ZC2HC1B: variants seen among roughly 807,000 people sequenced by gnomAD.
ZC2HC1B encodes zinc finger C2HC domain-containing protein 1B.
A neutral mutation model predicts 31.0 loss-of-function variants in ZC2HC1B; 36 were observed. The observed-to-expected ratio is 1.16, with a 90% CI of 0.89 to 1.54. The LOEUF (loss-of-function observed/expected upper bound fraction) is 1.54. Among genes scored for constraint, ZC2HC1B ranks in the 40% most tolerant of loss-of-function variants. The pLI is 0.00. For missense variants in ZC2HC1B, 260 were observed against 268.6 expected (o/e 0.97, Z 0.22); for synonymous variants, 73 against 88.0 (o/e 0.83, Z 0.95).
intron 6 of ZC2HC1B, among the ~76,000 whole-genome samples, chr6:143,931,864 C>CTTT (rs34072590): frequency 2.7e-5 from 1 of 36,472 alleles, no homozygotes; most frequent in African/African-American, 7.7e-5. Flanking sequence ...TCTTCTTCTT[C>CTTT]TTTTTTTTTT....
At chr6:143,919,732 G>A (rs569529368) in intron 6 of ZC2HC1B, among the ~76,000 whole-genome samples, 3 of 152,322 alleles carry the variant, frequency 2.0e-5, no homozygotes, top group African/African-American at 7.2e-5. Flanking sequence ...GAGGGGTGGA[G>A]GATGTGTAGC....
chr6:143,907,582 T>A (rs1334606808), intron 6 of ZC2HC1B, among the ~76,000 whole-genome samples: 3 of 152,260 alleles, frequency 2.0e-5, no homozygotes, highest in Non-Finnish European at 2.9e-5. Flanking sequence ...TGTCTTCTTT[T>A]GAGAAGTGTC....
intron 6 of ZC2HC1B, among the ~76,000 whole-genome samples, chr6:143,904,201 T>C (rs1186606704): frequency 6.6e-6 from 1 of 152,234 alleles, no homozygotes; most frequent in Non-Finnish European, 1.5e-5. Context: ...GTTTTGGTTT[T>C]TGCTAACTTA....
intron 6 of ZC2HC1B, among the ~76,000 whole-genome samples, chr6:143,904,908 G>A (rs1777776913): frequency 6.6e-6 from 1 of 152,108 alleles, no homozygotes; most frequent in Non-Finnish European, 1.5e-5. Flanking sequence ...TTTATTTCTG[G>A]ACTCTATTCT....
chr6:143,914,726 G>T (rs1314621487), intron 6 of ZC2HC1B, among the ~76,000 whole-genome samples: 1 of 152,068 alleles, frequency 6.6e-6, no homozygotes, highest in Non-Finnish European at 1.5e-5. Context: ...CATATATTTT[G>T]ATGGTCTGTC....
chr6:143,925,437 A>G (rs1778024886), intron 6 of ZC2HC1B, among the ~76,000 whole-genome samples: 1 of 151,556 alleles, frequency 6.6e-6, no homozygotes, highest in Admixed American at 6.6e-5. Flanking sequence ...CGGCCTCCCA[A>G]AGTGCTGAGA....
At chr6:143,937,185 T>A in intron 6 of ZC2HC1B, among the ~76,000 whole-genome samples, 1 of 152,158 alleles carries the variant, frequency 6.6e-6, no homozygotes, top group East Asian at 1.9e-4. Flanking sequence ...AAAAGAATAC[T>A]GTTTGTGGAA....
rs1777254988 is a variant in ZC2HC1B, at chr6:143,865,941, G to A, written c.28+1374G>A. On this transcript the variant is annotated intron_variant, in intron 1 of 7. Transcript: ENST00000237275. This position sits in a 1 kb window ranked among gnomAD's most constrained non-coding sequence, Gnocchi z 4.4. ...GGCGATTCCCCTGCCTCAGCCTCCCGAGTAGCTGGGATTACAGGTGTGCAC... is the reference window on the plus strand; with the variant it reads ...GGCGATTCCCCTGCCTCAGCCTCCCAAGTAGCTGGGATTACAGGTGTGCAC... 1.3e-5 allele frequency among the ~76,000 whole-genome samples: 2 copies of A among 152,206 alleles called. No homozygotes were observed. Among genetic ancestry groups the A allele is most frequent in the Middle Eastern group, 3.4e-3 (1 of 294 alleles).
chr6:143,926,897 G>A (rs1423364783), intron 6 of ZC2HC1B, among the ~76,000 whole-genome samples: 24 of 117,436 alleles, frequency 2.0e-4, no homozygotes, highest in Admixed American at 7.0e-4. Flanking sequence ...TGCAAGCTCC[G>A]CTTCCCGGGT....
chr6:143,916,872 G>T (rs1394127224), intron 6 of ZC2HC1B, among the ~76,000 whole-genome samples: 2 of 152,192 alleles, frequency 1.3e-5, no homozygotes, highest in East Asian at 3.9e-4. Flanking sequence ...GTCTTGCCTT[G>T]TCTCAGATGA....
chr6:143,917,217 G>A lies in ZC2HC1B; in HGVS notation c.598+14065G>A, dbSNP rs1025809967. Among the ~76,000 whole-genome samples, 2 of 152,196 alleles carry A rather than the reference G, an allele frequency of 1.3e-5. No individual in the cohort carries two copies. Among genetic ancestry groups the A allele is most frequent in the African/African-American group, 4.8e-5 (2 of 41,450 alleles). On this transcript the variant is annotated intron_variant, in intron 6 of 7. Coordinates refer to ENST00000237275, the MANE Select transcript of ZC2HC1B (RefSeq NM_001013623.3). The surrounding 1 kb of genome is among the most constrained non-coding windows in gnomAD (Gnocchi z 4.1). Reference sequence around the variant, plus strand: ...TCTCTTGTCTGCTGCCATGTGAGACGTGCCTTTCACCTTCCACTGTGATTG... The same window carrying A: ...TCTCTTGTCTGCTGCCATGTGAGACATGCCTTTCACCTTCCACTGTGATTG...
At chr6:143,893,147 A>G (rs1016375544) in intron 4 of ZC2HC1B, among the ~76,000 whole-genome samples, 4 of 152,214 alleles carry the variant, frequency 2.6e-5, no homozygotes, top group Non-Finnish European at 4.4e-5. Flanking sequence ...AGGTAAACAG[A>G]TTTATTTGAA....
In ZC2HC1B at chr6:143,898,622, C is replaced by T. The variant is rs1777698807; in HGVS notation, c.420C>T (p.Cys140=). ...ESAAERHTNF[C]KDQSSRRVFN... ...CAGCTGAGCGACATACTAATTTCTG[C>T]AAGGATCAGTCTTCTCGCCGAGTCT... The change falls in exon 5 of 8, where the codon TGC becomes TGT. Residue 140 remains cysteine, a synonymous_variant. Coordinates refer to ENST00000237275, the MANE Select transcript of ZC2HC1B (RefSeq NM_001013623.3). 1 of 1,551,920 alleles carries T rather than the reference C, an allele frequency of 6.4e-7. No individual in the cohort carries two copies. The highest frequency in any genetic ancestry group is 8.7e-7 in the Non-Finnish European group (1 of 1,147,028).
intron 5 of ZC2HC1B, among the ~76,000 whole-genome samples, chr6:143,901,833 C>T (rs1375844444): frequency 6.6e-6 from 1 of 152,070 alleles, no homozygotes; most frequent in East Asian, 1.9e-4. Context: ...CTACTTTGGG[C>T]TTGAACACAG....
chr6:143,889,450 A>G (rs1271565279), intron 4 of ZC2HC1B, among the ~76,000 whole-genome samples: 2 of 152,138 alleles, frequency 1.3e-5, no homozygotes, highest in Non-Finnish European at 2.9e-5. Flanking sequence ...GTATTCCATA[A>G]GAAAAACACA....
At chr6:143,875,498 G>T (rs547055274) in intron 1 of ZC2HC1B, among the ~76,000 whole-genome samples, 1 of 150,790 alleles carries the variant, frequency 6.6e-6, no homozygotes, top group South Asian at 2.2e-4. Flanking sequence ...AACAGTAAAT[G>T]CAGAGTCTCT....
chr6:143,891,142 AAAAG>A (rs1777597523), intron 4 of ZC2HC1B, among the ~76,000 whole-genome samples: 1 of 151,484 alleles, frequency 6.6e-6, no homozygotes, highest in East Asian at 1.9e-4. Flanking sequence ...AAAAAAAAAA[AAAAG>A]AAATTTAATA....
rs1207119332 is a variant in ZC2HC1B, at chr6:143,917,035, A to G, written c.598+13883A>G. On this transcript the variant is annotated intron_variant, in intron 6 of 7. Transcript: ENST00000237275. This position sits in a 1 kb window ranked among gnomAD's most constrained non-coding sequence, Gnocchi z 4.1. ...ATAGTTTGGCTCTGTCCCTACCCAA[A>G]TATCATCTTGAATTCCCATGTGTTT... is the stretch of plus-strand genomic sequence containing the variant. Among the ~76,000 whole-genome samples, 1 of 152,216 alleles carries G rather than the reference A, an allele frequency of 6.6e-6. No individual in the cohort carries two copies. The highest frequency in any genetic ancestry group is 1.5e-5 in the Non-Finnish European group (1 of 68,038).
At chr6:143,912,282 C>T (rs535485930) in intron 6 of ZC2HC1B, among the ~76,000 whole-genome samples, 1 of 152,334 alleles carries the variant, frequency 6.6e-6, no homozygotes, top group African/African-American at 2.4e-5. Context: ...CCATCTCAGC[C>T]TCAGCCCAGT....
Sources: gnomAD v4.1 joint callset for allele counts (sites outside exome capture counted in the v4.1 genomes callset) on GRCh38, gnomAD v4.1.1 for gene constraint, Gnocchi (gnomAD v3.1) non-coding constraint, MANE v1.5 for transcripts, NCBI Gene and HGNC (gene_info 2026-07-23, HGNC 2026-07-21) for gene names.